Variants in GRM7 observed in about 807,000 individuals in gnomAD.
GRM7 encodes metabotropic glutamate receptor 7.
In GRM7, 35 loss-of-function variants were observed where a neutral mutation model predicts 84.5. The ratio of observed to expected loss-of-function variants is 0.41; its 90% CI spans 0.32 to 0.55. The LOEUF is 0.55. GRM7 is among the 20% of genes least tolerant of loss of function. The pLI, the probability that GRM7 is intolerant of heterozygous loss-of-function variation, is 0.19. For missense variants in GRM7, 1,003 were observed against 1,194.6 expected, an observed-to-expected ratio of 0.84 and a Z score of 2.36; for synonymous variants, 487 against 455.1, an observed-to-expected ratio of 1.07 and a Z score of -0.89.
intron 9 of GRM7, among the ~76,000 whole-genome samples, chr3:7,737,068 G>C (rs1016336371): frequency 6.6e-6 from 1 of 152,110 alleles, no homozygotes; most frequent in Admixed American, 6.5e-5. Flanking sequence ...GGTTACGCGT[G>C]TTCCATAGAA....
intron 4 of GRM7, among the ~76,000 whole-genome samples, chr3:7,398,923 T>C (rs1401108400): frequency 2.0e-5 from 3 of 151,996 alleles, no homozygotes; most frequent in Non-Finnish European, 4.4e-5. Context: ...TCTATCTCCA[T>C]TGATGGCTTC....
intron 9 of GRM7, 89 bp downstream of exon 9, chr3:7,680,384 C>A: frequency 7.3e-7 from 1 of 1,368,860 alleles, no homozygotes; most frequent in Non-Finnish European, 1.0e-6. Context: ...TGGAGAAATA[C>A]TGTGATCGTT....
intron 5 of GRM7, among the ~76,000 whole-genome samples, chr3:7,427,513 A>G (rs1044919641): frequency 6.6e-6 from 1 of 152,218 alleles, no homozygotes; most frequent in African/African-American, 2.4e-5. Context: ...CTGTAGGTGA[A>G]TACAAATCGA....
intron 1 of GRM7, among the ~76,000 whole-genome samples, chr3:6,872,831 T>C (rs1695171369): frequency 6.6e-6 from 1 of 152,174 alleles, no homozygotes; most frequent in Non-Finnish European, 1.5e-5. Flanking sequence ...CCATAGTGTA[T>C]ATGTGCCACA....
intron 1 of GRM7, among the ~76,000 whole-genome samples, chr3:6,958,413 T>G (rs978886362): frequency 7.9e-5 from 12 of 152,206 alleles, no homozygotes; most frequent in African/African-American, 2.9e-4. Flanking sequence ...TACAATTTAT[T>G]TATCTGTTCA....
chr3:7,217,794 T>C (rs1224060824), intron 2 of GRM7, among the ~76,000 whole-genome samples: 1 of 151,052 alleles, frequency 6.6e-6, no homozygotes, highest in Non-Finnish European at 1.5e-5. Context: ...CATATTGACA[T>C]AGGGATATGG....
intron 1 of GRM7, among the ~76,000 whole-genome samples, chr3:6,899,957 T>A (rs998489681): frequency 2.0e-5 from 3 of 152,158 alleles, no homozygotes. Context: ...GTCAAATACG[T>A]CTTTGTCAAA....
intron 1 of GRM7, among the ~76,000 whole-genome samples, chr3:7,103,854 C>CTCTTTCTT (rs140927280): frequency 0.14 from 17,654 of 123,644 alleles, 4,484 homozygotes; most frequent in African/African-American, 0.49. Context: ...CTCTCTCTCT[C>CTCTTTCTT]TCTTTCTTTC....
chr3:6,982,621 A>T (rs76282039), intron 1 of GRM7, among the ~76,000 whole-genome samples: 3 of 152,116 alleles, frequency 2.0e-5, no homozygotes, highest in Admixed American at 2.0e-4. Context: ...AGAAAAAAAA[A>T]AAACCTTTAT....
chr3:7,076,720 G>T (rs986350759), intron 1 of GRM7, among the ~76,000 whole-genome samples: 10 of 152,094 alleles, frequency 6.6e-5, no homozygotes, highest in African/African-American at 2.4e-4. Flanking sequence ...AGATCATGAA[G>T]CTATTAGGTA....
At chr3:7,146,263 C>G (rs983308762) in intron 1 of GRM7, among the ~76,000 whole-genome samples, 189 bp from the exon 2 acceptor site, 2 of 152,186 alleles carry the variant, frequency 1.3e-5, no homozygotes, top group Non-Finnish European at 2.9e-5. Flanking sequence ...ACGCTGAAGT[C>G]AATACTTTTG....
intron 1 of GRM7, among the ~76,000 whole-genome samples, chr3:7,041,502 C>T (rs1200845963): frequency 1.3e-5 from 2 of 151,976 alleles, no homozygotes; most frequent in Admixed American, 6.6e-5. Context: ...ATGAACATAC[C>T]ACAATTTGTT....
At chr3:6,937,482 T>A (rs973789503) in intron 1 of GRM7, among the ~76,000 whole-genome samples, 1 of 152,184 alleles carries the variant, frequency 6.6e-6, no homozygotes, top group African/African-American at 2.4e-5. Context: ...CATGAATGCA[T>A]CTAGTATAAA....
chr3:7,664,422 A>C (rs2125126422), intron 8 of GRM7, among the ~76,000 whole-genome samples: 1 of 152,338 alleles, frequency 6.6e-6, no homozygotes, highest in African/African-American at 2.4e-5. Context: ...TAAAGGGGTC[A>C]GACTTTTCTC....
rs187816543 is a variant in GRM7 at position 7,515,643 on chromosome 3, G to C, written c.1515+53921G>C. Among the ~76,000 whole-genome samples, 5 of 152,262 alleles carry C rather than the reference G, an allele frequency of 3.3e-5. No individual in the cohort carries two copies. The East Asian group carries it at 9.7e-4, about 29-fold the overall frequency. On this transcript the variant is annotated intron_variant, in intron 7 of 9. Transcript: ENST00000357716. ...AGCCTTATAAAGGGGAAATCTCATA[G>C]CGCTATTAGGGTATAGCAAAGGAAG...
intron 4 of GRM7, among the ~76,000 whole-genome samples, chr3:7,317,081 C>T (rs888835415): frequency 2.0e-5 from 3 of 152,092 alleles, no homozygotes; most frequent in Admixed American, 6.6e-5. Flanking sequence ...TGTACTGCTG[C>T]GAAGTTAGGC....
chr3:7,543,383 G>A (rs779738), intron 7 of GRM7, among the ~76,000 whole-genome samples: 60,854 of 152,086 alleles, frequency 0.4, 12,688 homozygotes, highest in East Asian at 0.46. Context: ...CAATGTATCA[G>A]AAAGCAAAGA....
At chr3:7,024,170 T>G (rs1371271674) in intron 1 of GRM7, among the ~76,000 whole-genome samples, 1 of 152,172 alleles carries the variant, frequency 6.6e-6, no homozygotes, top group Non-Finnish European at 1.5e-5. Context: ...CTTCAAATCC[T>G]CCTTTCATCT....
chr3:7,203,812 A>G (rs115423310), intron 2 of GRM7, among the ~76,000 whole-genome samples: 1 of 152,148 alleles, frequency 6.6e-6, no homozygotes, highest in South Asian at 2.1e-4. Context: ...TCTCAGATAC[A>G]CAGAAAATAA....
Sources: gnomAD v4.1 joint callset for allele counts (sites outside exome capture counted in the v4.1 genomes callset) on GRCh38, gnomAD v4.1.1 for gene constraint, MANE v1.5 for transcripts, NCBI Gene and HGNC (gene_info 2026-07-23, HGNC 2026-07-21) for gene names.